The following SEZ6 variants were observed in gnomAD, a reference collection of about 807,000 sequenced individuals.
The protein encoded by SEZ6 is seizure protein 6 homolog.
A neutral mutation model predicts 101.0 loss-of-function variants in SEZ6; 53 were observed. That is an observed-to-expected ratio of 0.52 (90% confidence interval 0.42 to 0.66). SEZ6 has a LOEUF of 0.66. Ranked by LOEUF, SEZ6 falls within the 30% of genes least tolerant of loss-of-function variation. SEZ6 has a pLI of 0.00. For missense variants in SEZ6, 1,102 were observed against 1,289.4 expected, an observed-to-expected ratio of 0.85 and a Z score of 2.23; for synonymous variants, 488 against 512.2, an observed-to-expected ratio of 0.95 and a Z score of 0.64.
At chr17:29,004,236 A>C (rs766302279) in intron 1 of SEZ6, among the ~76,000 whole-genome samples, 1 of 152,206 alleles carries the variant, frequency 6.6e-6, no homozygotes, top group African/African-American at 2.4e-5. Flanking sequence ...ACTAACTGCC[A>C]GGGGACAGAC....
intron 7 of SEZ6, 27 bp downstream of exon 7, chr17:28,960,478 C>T (rs766525917): frequency 2.5e-6 from 4 of 1,576,644 alleles, no homozygotes; most frequent in African/African-American, 1.4e-5. Context: ...GGACCCGCCA[C>T]CCCCAGTGAG....
intron 3 of SEZ6, among the ~76,000 whole-genome samples, chr17:28,978,878 A>G (rs2041260269): frequency 1.3e-5 from 2 of 152,134 alleles, no homozygotes; most frequent in South Asian, 4.2e-4. Context: ...GGAGAGAAGC[A>G]GAGAGATTTA....
intron 3 of SEZ6, among the ~76,000 whole-genome samples, chr17:28,977,493 G>T (rs887954892): frequency 6.6e-6 from 1 of 152,228 alleles, no homozygotes; most frequent in African/African-American, 2.4e-5. Flanking sequence ...TCGTCTCAAG[G>T]TTGCCTGGTA....
chr17:28,956,891 T>A (rs1397360441), intron 13 of SEZ6, 134 bp from the exon 14 acceptor site: 4 of 1,355,334 alleles, frequency 3.0e-6, no homozygotes, highest in Non-Finnish European at 4.1e-6. Flanking sequence ...TTTGTCTTGG[T>A]GATGCCAGGT....
chr17:29,003,732 C>A (rs924521767), intron 1 of SEZ6, among the ~76,000 whole-genome samples: 11 of 152,240 alleles, frequency 7.2e-5, no homozygotes, highest in Admixed American at 5.2e-4. Context: ...CTCTGACATC[C>A]CAGCCCTCTC....
intron 4 of SEZ6, among the ~76,000 whole-genome samples, chr17:28,968,985 A>G (rs115401230): frequency 0.016 from 2,418 of 152,242 alleles, 30 homozygotes; most frequent in Non-Finnish European, 0.026. Context: ...TGGTTTCCTT[A>G]ATGAAGCATG....
chr17:28,990,530 G>T (rs777647298), intron 1 of SEZ6, among the ~76,000 whole-genome samples: 2 of 152,110 alleles, frequency 1.3e-5, no homozygotes, highest in African/African-American at 4.8e-5. Context: ...CTCCCAAAGT[G>T]CTGGGATTAC....
intron 1 of SEZ6, among the ~76,000 whole-genome samples, chr17:28,984,205 TAAGTTACGG>T (rs898824710): frequency 2.0e-5 from 3 of 152,210 alleles, no homozygotes; most frequent in Non-Finnish European, 4.4e-5. Context: ...TTCATCTGAA[TAAGTTACGG>T]AAGGTCCAGG....
At chr17:28,986,025 CT>C (rs1567997807) in intron 1 of SEZ6, among the ~76,000 whole-genome samples, 1 of 152,234 alleles carries the variant, frequency 6.6e-6, no homozygotes, top group Non-Finnish European at 1.5e-5. Context: ...CGGGCCATCC[CT>C]GGTGGAGACT....
At chr17:29,000,131 A>G (rs2041595198) in intron 1 of SEZ6, among the ~76,000 whole-genome samples, 1 of 152,252 alleles carries the variant, frequency 6.6e-6, no homozygotes, top group South Asian at 2.1e-4. Flanking sequence ...CGCCTGGCAC[A>G]TAGTTGGTAC....
intron 4 of SEZ6, among the ~76,000 whole-genome samples, chr17:28,967,827 A>C (rs2041093560): frequency 6.6e-6 from 1 of 152,176 alleles, no homozygotes; most frequent in Admixed American, 6.5e-5. Context: ...ATAGTAGTTA[A>C]AGTATCACTT....
chr17:28,978,843 A>T (rs1279568538), intron 3 of SEZ6, among the ~76,000 whole-genome samples: 2 of 151,864 alleles, frequency 1.3e-5, no homozygotes, highest in African/African-American at 2.4e-5. Context: ...TGGGGTCTAA[A>T]CCACATGTGG....
In SEZ6 at chr17:28,957,084, G is replaced by C. The variant is rs1187168354; in HGVS notation, c.2653C>G (p.Pro885Ala). Residue 885 changes from proline (P) to alanine (A), a missense_variant, in exon 13 of 17, where the codon CCC becomes GCC. Pro to Ala is a conservative substitution (Grantham distance 27). Around this residue, in one of 3 missense-constraint regions of SEZ6, gnomAD observed 140 missense variants for 135.7 expected, o/e 1.03. Transcript: ENST00000317338. ...QASIKCVPGH[P>A]SHWSDPPPIC... is the part of the protein sequence containing the mutation. ...GGTGGGGGGTCACTCCAATGCGAGG[G>C]GTGCCCAGGCACACACTTGATGCTG... is the stretch of plus-strand genomic sequence containing the variant. 12 of 1,608,720 alleles carry C rather than the reference G, an allele frequency of 7.5e-6. No homozygotes were observed. Among genetic ancestry groups the C allele is most frequent in the Non-Finnish European group, 1.0e-5 (12 of 1,176,014 alleles).
At chr17:28,978,049 C>T (rs1427936697) in intron 3 of SEZ6, among the ~76,000 whole-genome samples, 1 of 152,162 alleles carries the variant, frequency 6.6e-6, no homozygotes, top group Non-Finnish European at 1.5e-5. Flanking sequence ...GATTCAGATA[C>T]CTGGACCTGA....
At chr17:28,961,546 C>G (rs2040978589) in intron 5 of SEZ6, among the ~76,000 whole-genome samples, 1 of 152,194 alleles carries the variant, frequency 6.6e-6, no homozygotes, top group Non-Finnish European at 1.5e-5. Flanking sequence ...ATCCGGGCGG[C>G]AAACACCTGA....
In SEZ6 at chr17:28,981,611, C is replaced by T. The variant is rs199557265; in HGVS notation, c.484G>A (p.Ala162Thr). 1.0e-4 allele frequency: 163 copies of T among 1,595,606 alleles called. No individual in the cohort carries two copies. In the Middle Eastern group the frequency reaches 1.7e-3, roughly 16 times the overall value. Reference protein sequence around the residue: ...TAPLPPGPSMAVPTLGPGEIA... With the variant: ...TAPLPPGPSMTVPTLGPGEIA... The stretch of plus-strand genomic sequence containing the variant: ...TCCCCTGGGCCTAGGGTGGGCACTG[C>T]CATGCTGGGCCCTGGAGGTAGGGGA... The change falls in exon 2 of 17, where the codon GCA becomes ACA. Residue 162 changes from alanine (A) to threonine (T), a missense_variant. Physicochemically the swap from Ala to Thr is moderately conservative, Grantham distance 58. Around this residue, in one of 3 missense-constraint regions of SEZ6, gnomAD observed 406 missense variants for 418.6 expected, o/e 0.97. Coordinates refer to ENST00000317338, the MANE Select transcript of SEZ6 (RefSeq NM_178860.5).
In SEZ6 at chr17:28,959,549, C is replaced by T; in HGVS notation, c.1772-77G>A. The T allele has an allele frequency of 3.8e-6, 6 of 1,568,546 alleles. No homozygotes were observed. The highest frequency in any genetic ancestry group is 5.2e-6 in the Non-Finnish European group (6 of 1,158,380). ...GCTTACCATCTGCCCGCAGGAGTGC[C>T]CACAAATTGCTGGGACCCCCCACCT... On this transcript the variant is annotated intron_variant, in intron 8 of 16. Coordinates refer to ENST00000317338, the MANE Select transcript of SEZ6 (RefSeq NM_178860.5). The surrounding 1 kb of genome is among the most constrained non-coding windows in gnomAD (Gnocchi z 4.4).
intron 10 of SEZ6, 85 bp from the exon 11 acceptor site, chr17:28,958,226 G>T: frequency 3.4e-6 from 5 of 1,489,648 alleles, no homozygotes; most frequent in Non-Finnish European, 4.5e-6. Context: ...TCTGGCTCCT[G>T]CTAGTTTGTC....
At chr17:28,994,272 C>CTTT (rs56755199) in intron 1 of SEZ6, among the ~76,000 whole-genome samples, 2 of 147,574 alleles carry the variant, frequency 1.4e-5, no homozygotes, top group Non-Finnish European at 3.0e-5. Context: ...TGGTTACTGA[C>CTTT]TTTTTTTTTT....
Sources: gnomAD v4.1 joint callset for allele counts (sites outside exome capture counted in the v4.1 genomes callset) on GRCh38, gnomAD v4.1.1 for gene constraint, gnomAD v4.1.1 regional missense constraint, Gnocchi (gnomAD v3.1) non-coding constraint, MANE v1.5 for transcripts, NCBI Gene and HGNC (gene_info 2026-07-23, HGNC 2026-07-21) for gene names.